KNDC1: variants seen among roughly 807,000 people sequenced by gnomAD.
The protein encoded by KNDC1 is kinase non-catalytic C-lobe domain containing 1.
Under a neutral mutation model 172.8 loss-of-function variants are expected in KNDC1, and 106 were observed. The observed-to-expected ratio is 0.61, with a 90% confidence interval of 0.52 to 0.72. The LOEUF (loss-of-function observed/expected upper bound fraction) is 0.72, where lower values mean the gene tolerates loss of function less well. Ranked by LOEUF, KNDC1 falls within the 30% of genes least tolerant of loss-of-function variation. The probability of loss-of-function intolerance (pLI) is 0.00; values close to 1 mark genes in which losing one functional copy is unlikely to be tolerated. For missense variants in KNDC1, 2,325 were observed against 2,394.5 expected (o/e 0.97, Z 0.61); for synonymous variants, 1,083 against 1,062.2 (o/e 1.02, Z -0.38).
intron 7 of KNDC1, 73 bp from the exon 8 acceptor site, chr10:133,189,525 C>T: frequency 2.8e-6 from 4 of 1,444,994 alleles, no homozygotes; most frequent in Non-Finnish European, 3.8e-6. Context: ...TGAGGCTCCG[C>T]AGCTCCTTCC....
chr10:133,202,339 C>T (rs2136004026), intron 17 of KNDC1: 1 of 461,612 alleles, frequency 2.2e-6, no homozygotes, highest in Non-Finnish European at 4.3e-6. Context: ...TCGCTGCAGC[C>T]TGGTCCGGGC....
chr10:133,201,020 A>G (rs1208555532), intron 16 of KNDC1, among the ~76,000 whole-genome samples: 1 of 152,158 alleles, frequency 6.6e-6, no homozygotes, highest in Non-Finnish European at 1.5e-5. Context: ...CCCAGTTCCT[A>G]TCAAGTCGGA....
Position 133,188,558 on chromosome 10 carries a change from T to C in KNDC1, c.1346T>C (p.Leu449Pro). 1 of 1,575,556 alleles carries C rather than the reference T, an allele frequency of 6.3e-7. No homozygotes were observed. The highest frequency in any genetic ancestry group is 8.6e-7 in the Non-Finnish European group (1 of 1,160,970). Residue 449 changes from leucine to proline, a missense_variant, in exon 7 of 30, where the codon CTC (leucine) becomes CCC (proline). Coordinates refer to ENST00000304613, the MANE Select transcript of KNDC1 (RefSeq NM_152643.8). ...CCACAGTGGGTGTCCCTGCAGGACCTCCTGTCCCAGCTGGGCCGGCCCTTC... is the reference window on the plus strand; with the variant it reads ...CCACAGTGGGTGTCCCTGCAGGACCCCCTGTCCCAGCTGGGCCGGCCCTTC... Reference protein sequence around the residue: ...AAEQWVSLQDLLSQLGRPFRE... With the variant: ...AAEQWVSLQDPLSQLGRPFRE...
rs192932685 is a variant in KNDC1, at chr10:133,199,094, T to C, written c.2586T>C (p.Ser862=). 754 of 1,608,478 alleles carry C rather than the reference T, an allele frequency of 4.7e-4. 9 individuals are homozygous for C. In the East Asian group the frequency reaches 0.014, roughly 29 times the overall value. Residue 862 remains serine (S), a synonymous_variant, in exon 14 of 30, where the codon AGT becomes AGC. Transcript: ENST00000304613. The part of the protein sequence containing the change: ...AGERDDQSPD[S]VPERPRPADR... The stretch of plus-strand genomic sequence containing the variant: ...AACGTGATGACCAGAGTCCAGACAG[T>C]GTCCCAGAGAGGCCGCGGCCCGCAG...
At chr10:133,194,801 A>G (rs561350287) in intron 9 of KNDC1, among the ~76,000 whole-genome samples, 1 of 152,350 alleles carries the variant, frequency 6.6e-6, no homozygotes, top group East Asian at 1.9e-4. Context: ...GGACTTACTG[A>G]AGTGATGGAG....
intron 3 of KNDC1, among the ~76,000 whole-genome samples, 188 bp from the exon 4 acceptor site, chr10:133,183,156 G>T (rs1457635704): frequency 6.6e-6 from 1 of 151,918 alleles, no homozygotes; most frequent in African/African-American, 2.4e-5. Context: ...GTGGGCGCGG[G>T]CGGCGAGGGT....
chr10:133,201,892 G>C lies in KNDC1; in HGVS notation c.3381G>C (p.Gln1127His). The change falls in exon 17 of 30, where the codon CAG becomes CAC. Residue 1127 changes from glutamine to histidine, a missense_variant. Coordinates refer to ENST00000304613, the MANE Select transcript of KNDC1 (RefSeq NM_152643.8). Reference protein sequence around the residue: ...QQADGALPDAQSPELEQQLMM... With the variant: ...QQADGALPDAHSPELEQQLMM... ...CGGACGGGGCCCTGCCCGACGCCCAGAGCCCGGTGAGTCCCAGGCCTTGGC... is the reference window on the plus strand; with the variant it reads ...CGGACGGGGCCCTGCCCGACGCCCACAGCCCGGTGAGTCCCAGGCCTTGGC... The C allele has an allele frequency of 1.4e-6, 2 of 1,470,760 alleles. No homozygotes were observed. Among genetic ancestry groups the C allele is most frequent in the Non-Finnish European group, 1.8e-6 (2 of 1,112,572 alleles). 91.1% of individuals were successfully genotyped at this position (1,470,760 alleles called of 1,614,324 possible). A position where few individuals can be genotyped will look rare whatever the true frequency, so the allele number is the denominator to read the frequency against.
At chr10:133,196,468 C>T (rs1484987577) in intron 10 of KNDC1, among the ~76,000 whole-genome samples, 6 of 152,090 alleles carry the variant, frequency 3.9e-5, no homozygotes, top group African/African-American at 9.7e-5. Context: ...GGGGAGGAGC[C>T]GTGTCTGGGG....
In KNDC1 at chr10:133,160,389, A is replaced by T; in HGVS notation, c.-79A>T. On this transcript the variant is annotated 5_prime_UTR_variant, in exon 1 of 30. The change abolishes an upstream ATG in the 5' untranslated region. Coordinates refer to ENST00000304613, the MANE Select transcript of KNDC1 (RefSeq NM_152643.8). The stretch of plus-strand genomic sequence containing the variant: ...GCGGGCGAGGGCCGGGCGCGTCTCC[A>T]TGGAGCCAGGGCGCGCGTAGCCGAG... The T allele has an allele frequency of 2.6e-6, 2 of 782,814 alleles. No individual in the cohort carries two copies. The highest frequency in any genetic ancestry group is 5.4e-5 in the South Asian group (1 of 18,674). 48.5% of individuals were successfully genotyped at this position (782,814 alleles called of 1,614,324 possible).
At chr10:133,183,626 T>C in intron 4 of KNDC1, 136 bp downstream of exon 4, 1 of 1,103,432 alleles carries the variant, frequency 9.1e-7, no homozygotes, top group Non-Finnish European at 1.3e-6. Flanking sequence ...GGCATTTTGC[T>C]TAAAGGAGGA....
chr10:133,221,291 G>A (rs2136036384), intron 29 of KNDC1, among the ~76,000 whole-genome samples: 1 of 152,200 alleles, frequency 6.6e-6, no homozygotes, highest in Non-Finnish European at 1.5e-5. Flanking sequence ...CCAGCACCTG[G>A]GACCAACTAC....
intron 7 of KNDC1, 56 bp downstream of exon 7, chr10:133,188,709 A>AC (rs1466951337): frequency 3.4e-4 from 179 of 529,310 alleles, no homozygotes; most frequent in Non-Finnish European, 4.3e-4. Context: ...CTGCTGTTCC[A>AC]CCCCCCACCG....
At chr10:133,204,847 C>A (rs888049961) in intron 17 of KNDC1, among the ~76,000 whole-genome samples, 1 of 152,086 alleles carries the variant, frequency 6.6e-6, no homozygotes, top group Non-Finnish European at 1.5e-5. Flanking sequence ...GGCACGTGAA[C>A]CCCTCACAGG....
chr10:133,168,696 G>C (rs963932762), intron 3 of KNDC1, among the ~76,000 whole-genome samples: 2 of 152,230 alleles, frequency 1.3e-5, no homozygotes, highest in Admixed American at 6.5e-5. Context: ...AGTGATGATC[G>C]GCAGGGAATC....
At position 133,213,647 on chromosome 10, in the gene KNDC1, G is replaced by A. The variant is rs759777135; in HGVS notation, c.4446G>A (p.Glu1482=). The part of the protein sequence containing the change: ...LFSQLTLLQQ[E]LFQKCHPVHF... ...TCTTGTTTCCATGTTCTGGGCAGGAGTTGTTTCAAAAGTGCCACCCGGTCC... is the reference window on the plus strand; with the variant it reads ...TCTTGTTTCCATGTTCTGGGCAGGAATTGTTTCAAAAGTGCCACCCGGTCC... The change falls in exon 25 of 30, where the codon GAG becomes GAA. Residue 1482 remains glutamate, a splice_region_variant and synonymous_variant. Transcript: ENST00000304613. The A allele has an allele frequency of 1.9e-5, 31 of 1,613,852 alleles. No individual in the cohort carries two copies. The highest frequency in any genetic ancestry group is 1.6e-4 in the Middle Eastern group (1 of 6,080).
At position 133,160,356 on chromosome 10, in the gene KNDC1, G is replaced by T; in HGVS notation, c.-112G>T. On this transcript the variant is annotated 5_prime_UTR_variant, in exon 1 of 30. Transcript: ENST00000304613. Reference sequence around the variant, plus strand: ...TGGAGACACTGCGGCAGCGGCGGGCGGGCGGGGGCGGGCGAGGGCCGGGCG... The same window carrying T: ...TGGAGACACTGCGGCAGCGGCGGGCTGGCGGGGGCGGGCGAGGGCCGGGCG... The T allele has an allele frequency of 2.7e-6, 1 of 376,512 alleles. No individual in the cohort carries two copies. Among genetic ancestry groups the T allele is most frequent in the Non-Finnish European group, 4.1e-6 (1 of 244,082 alleles). 23.3% of individuals were successfully genotyped at this position (376,512 alleles called of 1,614,324 possible). A position where few individuals can be genotyped will look rare whatever the true frequency, so the allele number is the denominator to read the frequency against.
intron 29 of KNDC1, among the ~76,000 whole-genome samples, chr10:133,223,590 CGT>C (rs1199785238): frequency 2.6e-4 from 11 of 42,638 alleles, no homozygotes; most frequent in African/African-American, 1.1e-3. Flanking sequence ...CTCTTCCCGG[CGT>C]GTGTGTGTGT....
In KNDC1 at chr10:133,168,261, T is replaced by C. The variant is rs745497762; in HGVS notation, c.309T>C (p.Pro103=). 3 of 1,614,152 alleles carry C rather than the reference T, an allele frequency of 1.9e-6. No individual in the cohort carries two copies. The highest frequency in any genetic ancestry group is 2.2e-5 in the East Asian group (1 of 44,874). Residue 103 remains proline, a synonymous_variant, in exon 3 of 30, where the codon CCT becomes CCC. Coordinates refer to ENST00000304613, the MANE Select transcript of KNDC1 (RefSeq NM_152643.8). ...VCFMEQLSDD[P]EGAFVPPEFD... Reference sequence around the variant, plus strand: ...CTCTCTCTCCTCCCCAAGACGACCCTGAGGGTGCCTTCGTTCCCCCCGAGT... The same window carrying C: ...CTCTCTCTCCTCCCCAAGACGACCCCGAGGGTGCCTTCGTTCCCCCCGAGT...
intron 3 of KNDC1, among the ~76,000 whole-genome samples, chr10:133,169,755 T>C (rs1222015631): frequency 6.6e-6 from 1 of 151,992 alleles, no homozygotes; most frequent in Non-Finnish European, 1.5e-5. Flanking sequence ...GCCTGGTGGC[T>C]GTGACGTGGC....
Sources: allele counts gnomAD v4.1 joint callset (sites outside exome capture counted in the v4.1 genomes callset), GRCh38; gene constraint gnomAD v4.1.1; transcripts MANE v1.5; gene names NCBI Gene and HGNC (gene_info 2026-07-23, HGNC 2026-07-21).